Variants in AP2B1 observed in about 807,000 individuals in gnomAD.
The protein encoded by AP2B1 is adaptor related protein complex 2 subunit beta 1, also known as AP-2 complex subunit beta.
AP2B1 carries 23 observed loss-of-function variants against 102.0 expected under a neutral mutation model. The observed-to-expected ratio is 0.23, with a 90% confidence interval of 0.16 to 0.32. AP2B1 has a LOEUF of 0.32. Among genes scored for constraint, AP2B1 ranks in the 10% least tolerant of loss-of-function variants. AP2B1 has a pLI of 1.00. For synonymous variants in AP2B1, 381 were observed against 421.2 expected, an observed-to-expected ratio of 0.90 and a Z score of 1.17; for missense variants, 541 against 1,157.4, an observed-to-expected ratio of 0.47 and a Z score of 7.73.
intron 14 of AP2B1, among the ~76,000 whole-genome samples, chr17:35,668,717 C>CT (rs1333273176): frequency 6.6e-6 from 1 of 152,162 alleles, no homozygotes; most frequent in Non-Finnish European, 1.5e-5. Flanking sequence ...TCCATGCTTT[C>CT]TTCACCTTTG....
chr17:35,704,659 A>G (rs1054068133), intron 18 of AP2B1, among the ~76,000 whole-genome samples: 1 of 152,122 alleles, frequency 6.6e-6, no homozygotes, highest in Non-Finnish European at 1.5e-5. Context: ...GGAAGTGTTA[A>G]TCTTGAACTG....
At chr17:35,675,340 A>G (rs530354817) in intron 17 of AP2B1, among the ~76,000 whole-genome samples, 63 of 152,354 alleles carry the variant, frequency 4.1e-4, no homozygotes, top group African/African-American at 1.5e-3. Flanking sequence ...AAATTTGTCA[A>G]TGACAATTTG....
At chr17:35,706,230 A>G (rs2076338135) in intron 18 of AP2B1, among the ~76,000 whole-genome samples, 1 of 151,716 alleles carries the variant, frequency 6.6e-6, no homozygotes, top group Non-Finnish European at 1.5e-5. Flanking sequence ...TACAGTGCAG[A>G]ACAGTTTAGC....
intron 13 of AP2B1, among the ~76,000 whole-genome samples, chr17:35,651,432 G>A (rs2075083290): frequency 6.6e-6 from 1 of 152,006 alleles, no homozygotes; most frequent in Admixed American, 6.6e-5. Flanking sequence ...TTCTAATTAG[G>A]CAGAAGAAAC....
At chr17:35,673,369 A>C (rs2075631562) in intron 16 of AP2B1, among the ~76,000 whole-genome samples, 1 of 151,974 alleles carries the variant, frequency 6.6e-6, no homozygotes, top group Admixed American at 6.6e-5. Flanking sequence ...TTGTATTTTT[A>C]GTAGAGGCGG....
Position 35,615,660 on chromosome 17 carries a change from TAGTA to T in AP2B1, c.525+7279_525+7282del, listed in dbSNP as rs140286797. Among the ~76,000 whole-genome samples the T allele has an allele frequency of 9.2e-5, 14 of 152,286 alleles. No homozygotes were observed. In the East Asian group the frequency reaches 9.6e-4, roughly 10 times the overall value. On this transcript the variant is annotated intron_variant, in intron 5 of 21. Coordinates refer to ENST00000610402, the MANE Select transcript of AP2B1 (RefSeq NM_001030006.2). ...ATTGTTGTTATCCTTAAATATATAT[TAGTA>T]AGTAACAATTACAAAATTAAAATAT...
At chr17:35,688,043 A>T (rs1246675900) in intron 18 of AP2B1, among the ~76,000 whole-genome samples, 2 of 152,194 alleles carry the variant, frequency 1.3e-5, no homozygotes, top group African/African-American at 2.4e-5. Context: ...TCCCTTTCTT[A>T]AAGTCTCTTC....
rs781975977 is a variant in AP2B1 at position 35,725,278 on chromosome 17, C to T, written c.*1579C>T. On this transcript the variant is annotated 3_prime_UTR_variant, in exon 22 of 22. Coordinates refer to ENST00000610402, the MANE Select transcript of AP2B1 (RefSeq NM_001030006.2). ...GGCACTTGTTGCATTGCCTGGCACC[C>T]AATATTCAGGGTCCATGACTAAGAC... 6.6e-6 allele frequency: 1 copy of T among 152,176 alleles called. No homozygotes were observed. The highest frequency in any genetic ancestry group is 2.4e-5 in the African/African-American group (1 of 41,430). 9.4% of individuals were successfully genotyped at this position (152,176 alleles called of 1,614,324 possible).
Position 35,724,231 on chromosome 17 carries a change from G to A in AP2B1, c.*532G>A, listed in dbSNP as rs2085480890. The A allele has an allele frequency of 6.5e-6, 1 of 152,884 alleles. No individual in the cohort carries two copies. The highest frequency in any genetic ancestry group is 2.4e-5 in the African/African-American group (1 of 41,440). The allele number at this position is 152,884 out of a possible 1,614,324, so 9.5% of individuals were successfully genotyped here. A position where few individuals can be genotyped will look rare whatever the true frequency, so the allele number is the denominator to read the frequency against. On this transcript the variant is annotated 3_prime_UTR_variant, in exon 22 of 22. Transcript: ENST00000610402. The stretch of plus-strand genomic sequence containing the variant: ...AGTTACCTACCCTAGCTTTTGATGG[G>A]TTCTCTTACCTGTAGTAGCCTTATC...
At chr17:35,600,120 C>T (rs1049971003) in intron 3 of AP2B1, among the ~76,000 whole-genome samples, 1 of 152,026 alleles carries the variant, frequency 6.6e-6, no homozygotes, top group African/African-American at 2.4e-5. Flanking sequence ...CTTACTCTGT[C>T]ACCCATACTG....
chr17:35,625,234 A>G (rs1411978722), intron 6 of AP2B1, among the ~76,000 whole-genome samples: 4 of 152,238 alleles, frequency 2.6e-5, no homozygotes, highest in Non-Finnish European at 4.4e-5. Flanking sequence ...CAGGCACTGT[A>G]CTAGGCAAAG....
intron 5 of AP2B1, among the ~76,000 whole-genome samples, chr17:35,613,609 G>A (rs1409346061): frequency 1.3e-5 from 2 of 152,186 alleles, no homozygotes; most frequent in African/African-American, 4.8e-5. Context: ...TTTCCTGGAA[G>A]ATGAAGGCTA....
intron 17 of AP2B1, among the ~76,000 whole-genome samples, chr17:35,678,894 T>C (rs2075757104): frequency 1.3e-5 from 2 of 152,198 alleles, no homozygotes; most frequent in Admixed American, 1.3e-4. Context: ...CCTCACATTA[T>C]CTGGTCATCC....
At chr17:35,628,278 T>C (rs549175955) in intron 9 of AP2B1, among the ~76,000 whole-genome samples, 1 of 152,356 alleles carries the variant, frequency 6.6e-6, no homozygotes, top group Admixed American at 6.5e-5. Flanking sequence ...CCCATGGATT[T>C]GGAGACATGA....
At chr17:35,616,765 C>T (rs1456616689) in intron 5 of AP2B1, among the ~76,000 whole-genome samples, 1 of 152,120 alleles carries the variant, frequency 6.6e-6, no homozygotes, top group Non-Finnish European at 1.5e-5. Context: ...GAAGGTAGCT[C>T]GAAAACAGAA....
At chr17:35,685,409 A>G (rs1053077914) in intron 18 of AP2B1, among the ~76,000 whole-genome samples, 3 of 152,210 alleles carry the variant, frequency 2.0e-5, no homozygotes, top group South Asian at 2.1e-4. Context: ...AGGTTAAACT[A>G]TATATACATC....
At chr17:35,594,610 A>G (rs960115102) in intron 2 of AP2B1, among the ~76,000 whole-genome samples, 1 of 152,228 alleles carries the variant, frequency 6.6e-6, no homozygotes, top group Non-Finnish European at 1.5e-5. Context: ...CAATCTTGCA[A>G]AACAATGAAT....
At chr17:35,705,101 A>C (rs2076315247) in intron 18 of AP2B1, among the ~76,000 whole-genome samples, 3 of 152,202 alleles carry the variant, frequency 2.0e-5, no homozygotes, top group Non-Finnish European at 4.4e-5. Flanking sequence ...TTGGGGAATA[A>C]GAAGTAATTT....
chr17:35,632,024 A>T (rs1014762157), intron 9 of AP2B1, among the ~76,000 whole-genome samples: 5 of 150,554 alleles, frequency 3.3e-5, no homozygotes, highest in South Asian at 2.1e-4. Context: ...TTTCTCAGTC[A>T]GTGTTTTTCC....
Sources: allele counts gnomAD v4.1 joint callset (sites outside exome capture counted in the v4.1 genomes callset), GRCh38; gene constraint gnomAD v4.1.1; transcripts MANE v1.5; gene names NCBI Gene and HGNC (gene_info 2026-07-23, HGNC 2026-07-21).